Variants in LAMA1 observed in about 807,000 individuals in gnomAD.
LAMA1 encodes laminin subunit alpha-1.
In LAMA1, 219 loss-of-function variants were observed where a neutral mutation model predicts 348.7. The ratio of observed to expected loss-of-function variants is 0.63; its 90% CI spans 0.56 to 0.70. LAMA1 has a LOEUF of 0.70. Ranked by LOEUF, LAMA1 falls within the 30% of genes least tolerant of loss-of-function variation. The pLI is 0.00. For missense variants in LAMA1, 3,744 were observed against 3,888.0 expected (o/e 0.96, Z 0.99); for synonymous variants, 1,487 against 1,491.0 (o/e 1.00, Z 0.06).
chr18:6,967,270 G>T (rs537188118), intron 48 of LAMA1, among the ~76,000 whole-genome samples: 2 of 152,292 alleles, frequency 1.3e-5, no homozygotes, highest in South Asian at 4.1e-4. Context: ...GTCTCTTTGA[G>T]GAATTATAAC....
intron 58 of LAMA1, among the ~76,000 whole-genome samples, 180 bp downstream of exon 58, chr18:6,950,601 GA>G (rs1201397235): frequency 6.6e-5 from 10 of 152,184 alleles, no homozygotes; most frequent in African/African-American, 2.2e-4. Flanking sequence ...AGGCCCTGGG[GA>G]TATTTCGGAA....
In LAMA1 at chr18:6,999,714, G is replaced by A. The variant is rs139618283; in HGVS notation, c.4470-76C>T. 117 of 1,328,724 alleles carry A rather than the reference G, an allele frequency of 8.8e-5. No individual in the cohort carries two copies. In the African/African-American group the frequency reaches 1.3e-3, roughly 14 times the overall value. The allele number at this position is 1,328,724 out of a possible 1,614,324, so 82.3% of individuals were successfully genotyped here. ...CTAACTTGCGACAGTAATCATTTCC[G>A]CCAAATGAAATGCAAAGCACAGATC... On this transcript the variant is annotated intron_variant, in intron 31 of 62. Transcript: ENST00000389658.
chr18:6,998,945 A>G (rs995424168), intron 32 of LAMA1, among the ~76,000 whole-genome samples: 4 of 152,186 alleles, frequency 2.6e-5, no homozygotes, highest in African/African-American at 9.7e-5. Context: ...AGGCAGAGGA[A>G]TCACTTGAGT....
chr18:6,987,091 T>G (rs2057738840), intron 36 of LAMA1, among the ~76,000 whole-genome samples: 1 of 152,250 alleles, frequency 6.6e-6, no homozygotes, highest in African/African-American at 2.4e-5. Context: ...GCAGCTCTGA[T>G]GATTTTATAA....
chr18:7,032,847 A>G (rs904435010), intron 15 of LAMA1, 137 bp downstream of exon 15: 13 of 712,656 alleles, frequency 1.8e-5, no homozygotes, highest in Non-Finnish European at 2.8e-5. Context: ...TAATATTTCT[A>G]TTGCCCAAAA....
intron 1 of LAMA1, among the ~76,000 whole-genome samples, chr18:7,091,505 C>T (rs1196432203): frequency 6.6e-6 from 1 of 152,162 alleles, no homozygotes; most frequent in Non-Finnish European, 1.5e-5. Flanking sequence ...TTCCAAAGGC[C>T]ATGAACTTTT....
Position 7,046,372 on chromosome 18 carries a change from G to C in LAMA1, c.769-5C>G, listed in dbSNP as rs1314711861. On this transcript the variant is annotated splice_region_variant and splice_polypyrimidine_tract_variant and intron_variant, in intron 5 of 62. Coordinates refer to ENST00000389658, the MANE Select transcript of LAMA1 (RefSeq NM_005559.4). Reference sequence around the variant, plus strand: ...GTCCTTTATTGAATAATAATACTAAGGAAAAAGAAAGTTATGAACAAAAAT... The same window carrying C: ...GTCCTTTATTGAATAATAATACTAACGAAAAAGAAAGTTATGAACAAAAAT... 8 of 1,556,894 alleles carry C rather than the reference G, an allele frequency of 5.1e-6. No individual in the cohort carries two copies. The highest frequency in any genetic ancestry group is 7.1e-6 in the Non-Finnish European group (8 of 1,133,300).
intron 1 of LAMA1, among the ~76,000 whole-genome samples, chr18:7,116,333 C>T (rs931354954): frequency 1.3e-5 from 2 of 152,228 alleles, no homozygotes; most frequent in Admixed American, 6.5e-5. Context: ...GGAGTCCCCT[C>T]GCAATCCTTT....
intron 12 of LAMA1, 79 bp from the exon 13 acceptor site, chr18:7,036,167 G>A (rs1341226418): frequency 1.0e-6 from 1 of 962,394 alleles, no homozygotes; most frequent in East Asian, 2.4e-5. Context: ...GTGGTCACTG[G>A]GATCCATCTG....
rs116447725 is a variant in LAMA1 at position 7,009,533 on chromosome 18, G to T, written c.3874-167C>A. Reference sequence around the variant, plus strand: ...CCTCCTGAAACCTCCATGGACAGGCGCAGTGTCAGTTCCATTATCAATAGA... The same window carrying T: ...CCTCCTGAAACCTCCATGGACAGGCTCAGTGTCAGTTCCATTATCAATAGA... On this transcript the variant is annotated intron_variant, in intron 26 of 62. Transcript: ENST00000389658. Among the ~76,000 whole-genome samples, 373 of 152,190 alleles carry T rather than the reference G, an allele frequency of 2.5e-3. 2 individuals carry two copies. The highest frequency in any genetic ancestry group is 8.8e-3 in the African/African-American group (364 of 41,510).
chr18:6,999,341 G>T, intron 32 of LAMA1, 104 bp downstream of exon 32: 1 of 1,079,580 alleles, frequency 9.3e-7, no homozygotes. Flanking sequence ...AAATAAAATA[G>T]GATGTTTTTA....
rs1245783259 is a variant in LAMA1, at chr18:7,117,698, A to G, written c.23T>C (p.Val8Ala). The change falls in exon 1 of 63, where the codon GTC becomes GCC. Residue 8 changes from valine (V) to alanine (A), a missense_variant. Physicochemically the swap from Val to Ala is moderately conservative, Grantham distance 64. This residue lies in a region of LAMA1 where 1,529 missense variants were observed against 1,689.4 expected (regional missense o/e 0.91). Transcript: ENST00000389658. ...CTGCGCGGCGACACACAGCAGCAAG[A>G]CCAGGAGCACGCCCCCGCGCATCTC... is the stretch of plus-strand genomic sequence containing the variant. MRGGVLL[V>A]LLLCVAAQCR... is the part of the protein sequence containing the mutation. The G allele has an allele frequency of 1.3e-6, 2 of 1,598,014 alleles. No homozygotes were observed. Among genetic ancestry groups the G allele is most frequent in the East Asian group, 2.2e-5 (1 of 44,550 alleles).
intron 3 of LAMA1, among the ~76,000 whole-genome samples, chr18:7,056,819 C>A (rs1015493933): frequency 6.6e-6 from 1 of 152,020 alleles, no homozygotes; most frequent in African/African-American, 2.4e-5. Flanking sequence ...CCACGAAGCA[C>A]TTACTGTGGC....
At chr18:7,092,306 A>C (rs149927856) in intron 1 of LAMA1, among the ~76,000 whole-genome samples, 3 of 152,182 alleles carry the variant, frequency 2.0e-5, no homozygotes, top group African/African-American at 7.2e-5. Flanking sequence ...TTCTCTCTTC[A>C]CTCAGTTCCA....
intron 1 of LAMA1, among the ~76,000 whole-genome samples, chr18:7,107,128 T>TTC (rs915964992): frequency 2.0e-5 from 3 of 151,090 alleles, no homozygotes; most frequent in Non-Finnish European, 3.0e-5. Context: ...CTCCTTTTTT[T>TTC]TTTTTTTTGA....
intron 29 of LAMA1, 111 bp from the exon 30 acceptor site, chr18:7,002,496 A>C (rs903288049): frequency 8.4e-7 from 1 of 1,196,210 alleles, no homozygotes; most frequent in Non-Finnish European, 1.2e-6. Context: ...GCTTTTAAAA[A>C]TATTCTTCAG....
chr18:7,013,964 G>A lies in LAMA1; in HGVS notation c.3214C>T (p.Arg1072Trp), dbSNP rs779094301. The part of the protein sequence containing the change: ...HCQCKSKFGG[R>W]ACDQCSLGYR... ...CCCAAGGAACACTGATCGCAGGCCCGGCCACCAAATTTTGACTTGCACTGG... is the reference window on the plus strand; with the variant it reads ...CCCAAGGAACACTGATCGCAGGCCCAGCCACCAAATTTTGACTTGCACTGG... Residue 1072 changes from arginine (R) to tryptophan (W), a missense_variant, in exon 23 of 63, where the codon CGG becomes TGG. By Grantham distance (101) the Arg-to-Trp change is moderately radical. Around this residue, in one of 3 missense-constraint regions of LAMA1, gnomAD observed 1,529 missense variants for 1,689.4 expected, o/e 0.91. Coordinates refer to ENST00000389658, the MANE Select transcript of LAMA1 (RefSeq NM_005559.4). The A allele has an allele frequency of 3.1e-6, 5 of 1,613,786 alleles. No homozygotes were observed. The highest frequency in any genetic ancestry group is 3.3e-5 in the Admixed American group (2 of 59,992).
intron 42 of LAMA1, among the ~76,000 whole-genome samples, chr18:6,979,635 C>A (rs1475324470): frequency 6.6e-6 from 1 of 152,160 alleles, no homozygotes; most frequent in Non-Finnish European, 1.5e-5. Context: ...CGCGGTGGCT[C>A]ACGCCTGTAA....
At chr18:6,954,435 G>T (rs2057564897) in intron 57 of LAMA1, 1 of 152,576 alleles carries the variant, frequency 6.6e-6, no homozygotes, top group Non-Finnish European at 1.5e-5. Context: ...GGGCATTAGG[G>T]CTAGCGGCTT....
Sources: allele counts gnomAD v4.1 joint callset (sites outside exome capture counted in the v4.1 genomes callset), GRCh38; gene constraint gnomAD v4.1.1; regional missense constraint gnomAD v4.1.1; transcripts MANE v1.5; gene names NCBI Gene and HGNC (gene_info 2026-07-23, HGNC 2026-07-21).